Variants in TBX20 observed in about 807,000 individuals in gnomAD.
TBX20 encodes T-box transcription factor TBX20.
Under a neutral mutation model 42.9 loss-of-function variants are expected in TBX20, and 8 were observed. The observed-to-expected ratio is 0.19, with a 90% CI of 0.11 to 0.34. The LOEUF is 0.34. Ranked by LOEUF, TBX20 falls within the 10% of genes least tolerant of loss-of-function variation. TBX20 has a pLI of 1.00. For synonymous variants in TBX20, 198 were observed against 222.8 expected (o/e 0.89, Z 0.99); for missense variants, 411 against 566.0 (o/e 0.73, Z 2.78).
intron 6 of TBX20, among the ~76,000 whole-genome samples, chr7:35,207,680 T>C (rs1209436563): frequency 6.6e-6 from 1 of 152,214 alleles, no homozygotes; most frequent in Non-Finnish European, 1.5e-5. Context: ...TTATGAATTG[T>C]TTATTTTTGT....
chr7:35,216,245 T>C lies in TBX20; in HGVS notation c.891-11663A>G, dbSNP rs1263916268. Among the ~76,000 whole-genome samples, 9 of 152,236 alleles carry C rather than the reference T, an allele frequency of 5.9e-5. No individual in the cohort carries two copies. The East Asian group carries it at 1.5e-3, about 26-fold the overall frequency. ...ATCCTAGAGTTTCTGTCTCAGTAGG[T>C]CTGGGGTGTGGCCTGAGAAGGTGTT... On this transcript the variant is annotated intron_variant, in intron 6 of 7. Transcript: ENST00000408931.
chr7:35,242,007 T>C (rs73099148), intron 4 of TBX20, among the ~76,000 whole-genome samples: 6 of 151,786 alleles, frequency 4.0e-5, no homozygotes, highest in Admixed American at 1.3e-4. Flanking sequence ...CATGCCCTCC[T>C]CTCCAAGGAG....
chr7:35,238,998 A>G (rs564117383), intron 5 of TBX20, among the ~76,000 whole-genome samples: 34 of 152,238 alleles, frequency 2.2e-4, no homozygotes, highest in African/African-American at 8.2e-4. Context: ...CAAAGGCTTA[A>G]ACAAGCCTAC....
intron 5 of TBX20, among the ~76,000 whole-genome samples, chr7:35,240,009 C>T (rs928066553): frequency 6.6e-6 from 1 of 152,110 alleles, no homozygotes; most frequent in Non-Finnish European, 1.5e-5. Context: ...CCTGGCCTCC[C>T]GAAGTGCTGG....
At chr7:35,252,061 TAAAG>T (rs1790315376) in intron 1 of TBX20, among the ~76,000 whole-genome samples, 1 of 152,060 alleles carries the variant, frequency 6.6e-6, no homozygotes, top group Admixed American at 6.5e-5. Context: ...CTCAGAAAAA[TAAAG>T]AGAGAAGGAA....
chr7:35,226,861 T>C (rs981839478), intron 6 of TBX20, among the ~76,000 whole-genome samples: 1 of 151,072 alleles, frequency 6.6e-6, no homozygotes, highest in African/African-American at 2.4e-5. Context: ...CTTCTACTTA[T>C]CAAAAAAAAA....
Position 35,220,342 on chromosome 7 carries a change from T to C in TBX20, c.890+11162A>G, listed in dbSNP as rs945888652. ...CACGGCAGCCCTCCCAGCCAGCACA[T>C]GGTGTATTTGGCACACTGAACAGTG... On this transcript the variant is annotated intron_variant, in intron 6 of 7. Transcript: ENST00000408931. 1.1e-4 allele frequency among the ~76,000 whole-genome samples: 16 copies of C among 152,274 alleles called. No individual in the cohort carries two copies. In the South Asian group the frequency reaches 1.2e-3, roughly 12 times the overall value.
At chr7:35,253,473 C>G in intron 1 of TBX20, 21 bp downstream of exon 1, 3 of 1,604,538 alleles carry the variant, frequency 1.9e-6, no homozygotes, top group Non-Finnish European at 2.6e-6. Flanking sequence ...CCTCGGCGGA[C>G]AGCCGGGTAG....
Position 35,250,117 on chromosome 7 carries a change from C to T in TBX20, c.214G>A (p.Gly72Ser). 1.2e-6 allele frequency: 2 copies of T among 1,613,792 alleles called. No individual in the cohort carries two copies. The highest frequency in any genetic ancestry group is 1.7e-6 in the Non-Finnish European group (2 of 1,179,898). Residue 72 changes from glycine (G) to serine (S), a missense_variant, in exon 2 of 8, where the codon GGC (glycine) becomes AGC (serine). By Grantham distance (56) the Gly-to-Ser change is moderately conservative (BLOSUM62 0). Transcript: ENST00000408931. Reference sequence around the variant, plus strand: ...AGAGAGGAGGAGGACGGGCTGCTGCCACTGCCTCCACCAAACTCCCCATGA... The same window carrying T: ...AGAGAGGAGGAGGACGGGCTGCTGCTACTGCCTCCACCAAACTCCCCATGA... ...DAHGEFGGGS[G>S]SSPSSSSLCT...
intron 6 of TBX20, among the ~76,000 whole-genome samples, chr7:35,230,075 C>T (rs1197454393): frequency 6.6e-6 from 1 of 152,088 alleles, no homozygotes; most frequent in Non-Finnish European, 1.5e-5. Context: ...CACTATCACC[C>T]CACTGCATCA....
At chr7:35,250,956 G>T (rs1790294092) in intron 1 of TBX20, among the ~76,000 whole-genome samples, 2 of 152,174 alleles carry the variant, frequency 1.3e-5, no homozygotes, top group Non-Finnish European at 1.5e-5. Context: ...GAGGGGTGAG[G>T]TATAAAATTT....
chr7:35,218,618 C>G (rs1032984178), intron 6 of TBX20, among the ~76,000 whole-genome samples: 70 of 152,046 alleles, frequency 4.6e-4, no homozygotes, highest in African/African-American at 1.7e-3. Context: ...AAAGCACATA[C>G]TAATAATTAA....
chr7:35,245,525 C>T (rs1790166820), intron 3 of TBX20, among the ~76,000 whole-genome samples: 2 of 151,968 alleles, frequency 1.3e-5, no homozygotes, highest in South Asian at 4.2e-4. Flanking sequence ...TTTAGAGAAT[C>T]CATTTATTTA....
In TBX20 at chr7:35,240,938, T is replaced by C; in HGVS notation, c.754A>G (p.Arg252Gly). 4 of 1,613,926 alleles carry C rather than the reference T, an allele frequency of 2.5e-6. No homozygotes were observed. Among genetic ancestry groups the C allele is most frequent in the Non-Finnish European group, 3.4e-6 (4 of 1,179,804 alleles). The change falls in exon 5 of 8, where the codon AGA becomes GGA. Residue 252 changes from arginine (R) to glycine (G), a missense_variant. Around this residue, in one of 5 missense-constraint regions of TBX20, gnomAD observed 121 missense variants for 165.9 expected, o/e 0.73. Coordinates refer to ENST00000408931, the MANE Select transcript of TBX20 (RefSeq NM_001077653.2). The stretch of plus-strand genomic sequence containing the variant: ...ACTGTTTCTGGAAAGATGAAAGTTC[T>C]AAATTCTTCAGACTTCAGGTTGAGC... ...SLLNLKSEEF[R>G]TFIFPETVFT...
In TBX20 at chr7:35,249,688, C is replaced by T. The variant is rs887056781; in HGVS notation, c.380+263G>A. Among the ~76,000 whole-genome samples the T allele has an allele frequency of 3.3e-5, 5 of 152,182 alleles. No homozygotes were observed. The highest frequency in any genetic ancestry group is 5.9e-5 in the Non-Finnish European group (4 of 68,032). ...TCCAGGGAAAGCAGACCACACCCTT[C>T]GGGGTTAGTGTGTCTCCCTGGTCCC... is the stretch of plus-strand genomic sequence containing the variant. On this transcript the variant is annotated intron_variant, in intron 2 of 7. Transcript: ENST00000408931. The surrounding 1 kb of genome is among the most constrained non-coding windows in gnomAD (Gnocchi z 4.3).
intron 6 of TBX20, among the ~76,000 whole-genome samples, chr7:35,222,254 T>TA (rs1486074982): frequency 6.6e-6 from 1 of 152,078 alleles, no homozygotes; most frequent in Non-Finnish European, 1.5e-5. Context: ...TATTTTGAAA[T>TA]AAAAAATACA....
At chr7:35,211,712 A>T (rs1232540810) in intron 6 of TBX20, among the ~76,000 whole-genome samples, 1 of 152,146 alleles carries the variant, frequency 6.6e-6, no homozygotes, top group African/African-American at 2.4e-5. Context: ...CCATAACCCC[A>T]TTGTTAGTCA....
At chr7:35,248,525 TG>T in intron 3 of TBX20, 151 bp downstream of exon 3, 1 of 792,304 alleles carries the variant, frequency 1.3e-6, no homozygotes, top group Non-Finnish European at 2.2e-6. Flanking sequence ...GCCCATGTTT[TG>T]TGTAGTCAAT....
intron 5 of TBX20, among the ~76,000 whole-genome samples, chr7:35,234,855 C>A (rs1464560607): frequency 6.6e-6 from 1 of 152,144 alleles, no homozygotes; most frequent in Non-Finnish European, 1.5e-5. Flanking sequence ...TGATGCTACA[C>A]ATTCCTGAAC....
Sources: allele counts gnomAD v4.1 joint callset (sites outside exome capture counted in the v4.1 genomes callset), GRCh38; gene constraint gnomAD v4.1.1; regional missense constraint gnomAD v4.1.1; non-coding constraint Gnocchi (gnomAD v3.1); transcripts MANE v1.5; gene names NCBI Gene and HGNC (gene_info 2026-07-23, HGNC 2026-07-21).